COLGALT2: variants seen among roughly 807,000 people sequenced by gnomAD.
COLGALT2 encodes the protein collagen beta(1-O)galactosyltransferase 2.
In COLGALT2, 49 loss-of-function variants were observed where a neutral mutation model predicts 73.4. The ratio of observed to expected loss-of-function variants is 0.67; its 90% CI spans 0.53 to 0.85. The LOEUF (loss-of-function observed/expected upper bound fraction) is 0.85, where lower values mean the gene tolerates loss of function less well. COLGALT2 is among the 40% of genes least tolerant of loss of function. The pLI is 0.00. For synonymous variants in COLGALT2, 295 were observed against 307.6 expected (o/e 0.96, Z 0.43); for missense variants, 722 against 790.2 (o/e 0.91, Z 1.03).
chr1:183,940,536 A>G (rs1180023346), intron 11 of COLGALT2, 45 bp downstream of exon 11: 1 of 1,532,186 alleles, frequency 6.5e-7, no homozygotes, highest in East Asian at 2.2e-5. Context: ...ATAATTCATG[A>G]AGAGGCTGTG....
chr1:183,955,902 T>G (rs556557358), intron 6 of COLGALT2, among the ~76,000 whole-genome samples: 12 of 152,320 alleles, frequency 7.9e-5, no homozygotes, highest in Admixed American at 2.0e-4. Flanking sequence ...CAGGGCTATA[T>G]GACTTTCTGG....
intron 8 of COLGALT2, 143 bp downstream of exon 8, chr1:183,950,864 C>T: frequency 1.6e-6 from 1 of 619,696 alleles, no homozygotes; most frequent in Non-Finnish European, 2.9e-6. Flanking sequence ...AACTTAAATG[C>T]TACTACAGGT....
intron 1 of COLGALT2, among the ~76,000 whole-genome samples, chr1:184,033,561 A>T (rs1318338186): frequency 6.6e-6 from 1 of 152,238 alleles, no homozygotes; most frequent in African/African-American, 2.4e-5. Flanking sequence ...GTATCTCTAA[A>T]ATATAAATTT....
intron 6 of COLGALT2, 85 bp from the exon 7 acceptor site, chr1:183,954,923 G>T: frequency 9.4e-7 from 1 of 1,059,994 alleles, no homozygotes; most frequent in Non-Finnish European, 1.5e-6. Context: ...GATCTCTAGG[G>T]TTGGAATATA....
At chr1:183,962,148 CTCTT>C (rs1463630904) in intron 6 of COLGALT2, among the ~76,000 whole-genome samples, 1 of 127,114 alleles carries the variant, frequency 7.9e-6, no homozygotes, top group Non-Finnish European at 1.6e-5. Flanking sequence ...TTTTCTTTTT[CTCTT>C]TCTTTTTTTT....
intron 1 of COLGALT2, among the ~76,000 whole-genome samples, chr1:184,016,011 G>T (rs1648990581): frequency 6.6e-6 from 1 of 152,116 alleles, no homozygotes; most frequent in African/African-American, 2.4e-5. Flanking sequence ...CTTACTCCAG[G>T]CATCAAACTG....
intron 6 of COLGALT2, among the ~76,000 whole-genome samples, chr1:183,962,410 C>T (rs1333930254): frequency 6.6e-6 from 1 of 152,016 alleles, no homozygotes; most frequent in African/African-American, 2.4e-5. Flanking sequence ...CCACCTGCCT[C>T]AGCCTCCTAA....
chr1:184,008,920 G>A (rs972508935), intron 1 of COLGALT2, among the ~76,000 whole-genome samples: 4 of 151,894 alleles, frequency 2.6e-5, no homozygotes, highest in Non-Finnish European at 5.9e-5. Flanking sequence ...GAATGATAGA[G>A]CAAATATAAC....
intron 8 of COLGALT2, among the ~76,000 whole-genome samples, chr1:183,948,044 A>G (rs1670296642): frequency 6.6e-6 from 1 of 152,148 alleles, no homozygotes; most frequent in Admixed American, 6.5e-5. Flanking sequence ...TGACTCAAGA[A>G]GAAATAGAAA....
rs1319478408 is a variant in COLGALT2 at position 183,969,288 on chromosome 1, G to A, written c.813C>T (p.Ala271=). 6.2e-7 allele frequency: 1 copy of A among 1,612,518 alleles called. No individual in the cohort carries two copies. Among genetic ancestry groups the A allele is most frequent in the Non-Finnish European group, 8.5e-7 (1 of 1,179,292 alleles). ...TWTFDDIIVF[A]FSSRQAGIQM... is the part of the protein sequence containing the mutation. ...CAGTACCTGCTTGCCTGCTGGAGAAGGCAAAGACAATGATGTCATCAAAGG... is the reference window on the plus strand; with the variant it reads ...CAGTACCTGCTTGCCTGCTGGAGAAAGCAAAGACAATGATGTCATCAAAGG... The change falls in exon 5 of 12, where the codon GCC becomes GCT. Residue 271 remains alanine, a synonymous_variant. Transcript: ENST00000361927.
At chr1:183,942,572 T>C (rs2102789129) in intron 10 of COLGALT2, among the ~76,000 whole-genome samples, 1 of 152,352 alleles carries the variant, frequency 6.6e-6, no homozygotes, top group Admixed American at 6.5e-5. Flanking sequence ...GTTCTATTCT[T>C]CCCTTTTATT....
At chr1:184,032,267 AT>A (rs937711151) in intron 1 of COLGALT2, among the ~76,000 whole-genome samples, 1 of 152,212 alleles carries the variant, frequency 6.6e-6, no homozygotes, top group Non-Finnish European at 1.5e-5. Context: ...CCATTTGAAG[AT>A]TTTTTAAAAT....
Position 183,964,026 on chromosome 1 carries a change from G to T in COLGALT2, c.833-6C>A, listed in dbSNP as rs1289970889. On this transcript the variant is annotated splice_region_variant and splice_polypyrimidine_tract_variant and intron_variant, in intron 5 of 11. Coordinates refer to ENST00000361927, the MANE Select transcript of COLGALT2 (RefSeq NM_015101.4). ...GCAGAGGTACATCTGGATGCCTGAG[G>T]ATCCAAGAGAGGGACAAAGCCAACA... is the stretch of plus-strand genomic sequence containing the variant. The T allele has an allele frequency of 6.2e-7, 1 of 1,612,754 alleles. No individual in the cohort carries two copies. The highest frequency in any genetic ancestry group is 1.7e-4 in the Middle Eastern group (1 of 6,056).
chr1:184,006,226 G>A (rs1672076045), intron 1 of COLGALT2, among the ~76,000 whole-genome samples: 1 of 152,070 alleles, frequency 6.6e-6, no homozygotes. Context: ...ATAATGCATG[G>A]TGAATATTCG....
At chr1:183,994,836 C>G (rs1234721953) in intron 1 of COLGALT2, among the ~76,000 whole-genome samples, 1 of 152,122 alleles carries the variant, frequency 6.6e-6, no homozygotes, top group Non-Finnish European at 1.5e-5. Context: ...GGAGTAATAA[C>G]AAAATACCTG....
chr1:184,025,958 C>T (rs923652164), intron 1 of COLGALT2, among the ~76,000 whole-genome samples: 4 of 152,178 alleles, frequency 2.6e-5, no homozygotes, highest in African/African-American at 9.7e-5. Context: ...TTAAGCAAGA[C>T]TGCATATTAC....
chr1:183,958,754 C>T (rs1205480637), intron 6 of COLGALT2, among the ~76,000 whole-genome samples: 3 of 149,544 alleles, frequency 2.0e-5, no homozygotes, highest in Admixed American at 6.8e-5. Context: ...AGGACAAAAA[C>T]CCTCTTGTTT....
intron 6 of COLGALT2, among the ~76,000 whole-genome samples, chr1:183,962,154 C>CTTTTTTTTTTTTTTTTTTTTTTT (rs34873073): frequency 4.7e-5 from 4 of 85,542 alleles, no homozygotes; most frequent in Admixed American, 1.6e-4. Flanking sequence ...TTTTCTCTTT[C>CTTTTTTTTTTTTTTTTTTTTTTT]TTTTTTTTTT....
chr1:183,945,575 T>C lies in COLGALT2; in HGVS notation c.1137-11A>G, dbSNP rs1178606946. ...CTTGTGTTGAGTGCCCTGCATCACA[T>C]AAAACACGTCTGGAGATTAACAAGT... On this transcript the variant is annotated splice_polypyrimidine_tract_variant and intron_variant, in intron 8 of 11. Coordinates refer to ENST00000361927, the MANE Select transcript of COLGALT2 (RefSeq NM_015101.4). The C allele has an allele frequency of 1.9e-6, 3 of 1,613,668 alleles. No individual in the cohort carries two copies. Among genetic ancestry groups the C allele is most frequent in the Admixed American group, 1.7e-5 (1 of 59,940 alleles).
Sources: allele counts gnomAD v4.1 joint callset (sites outside exome capture counted in the v4.1 genomes callset), GRCh38; gene constraint gnomAD v4.1.1; transcripts MANE v1.5; gene names NCBI Gene and HGNC (gene_info 2026-07-23, HGNC 2026-07-21).